Variants in ATRNL1 observed in about 807,000 individuals in gnomAD.
The protein encoded by ATRNL1 is attractin like 1.
A neutral mutation model predicts 182.7 loss-of-function variants in ATRNL1; 95 were observed. The observed-to-expected ratio is 0.52, with a 90% CI of 0.44 to 0.62. The LOEUF is 0.62. Among genes scored for constraint, ATRNL1 ranks in the 20% least tolerant of loss-of-function variants. The probability of loss-of-function intolerance (pLI) is 0.00; values close to 1 mark genes in which losing one functional copy is unlikely to be tolerated. For missense variants in ATRNL1, 1,471 were observed against 1,679.5 expected, an observed-to-expected ratio of 0.88 and a Z score of 2.17; for synonymous variants, 576 against 568.3, an observed-to-expected ratio of 1.01 and a Z score of -0.19.
chr10:115,522,564 A>C (rs1219227596), intron 25 of ATRNL1, among the ~76,000 whole-genome samples: 1 of 152,178 alleles, frequency 6.6e-6, no homozygotes, highest in East Asian at 1.9e-4. Flanking sequence ...TATTAAAACT[A>C]TAGCATTCTA....
chr10:115,433,863 A>C (rs1846277606), intron 21 of ATRNL1, among the ~76,000 whole-genome samples: 1 of 152,196 alleles, frequency 6.6e-6, no homozygotes, highest in South Asian at 2.1e-4. Context: ...AAATAATAAA[A>C]AAGTTTAAGG....
intron 13 of ATRNL1, among the ~76,000 whole-genome samples, chr10:115,272,063 A>T (rs1321524230): frequency 6.6e-6 from 1 of 152,146 alleles, no homozygotes; most frequent in African/African-American, 2.4e-5. Flanking sequence ...GCCATGTGAG[A>T]TGCTTACTGC....
At chr10:115,834,119 G>T (rs1555094646) in intron 27 of ATRNL1, among the ~76,000 whole-genome samples, 2 of 152,162 alleles carry the variant, frequency 1.3e-5, no homozygotes, top group African/African-American at 4.8e-5. Context: ...TCAGGAGCCA[G>T]TTGTCTATCA....
chr10:115,934,713 A>C (rs1953504358), intron 28 of ATRNL1, among the ~76,000 whole-genome samples: 1 of 152,110 alleles, frequency 6.6e-6, no homozygotes, highest in African/African-American at 2.4e-5. Flanking sequence ...GCTACACTAG[A>C]GGTGTCTCTT....
chr10:115,721,383 C>CAT (rs1426064381), intron 26 of ATRNL1, among the ~76,000 whole-genome samples: 2 of 152,004 alleles, frequency 1.3e-5, no homozygotes, highest in Non-Finnish European at 1.5e-5. Context: ...TTGGTATATA[C>CAT]ATATATATAA....
intron 26 of ATRNL1, among the ~76,000 whole-genome samples, chr10:115,584,490 A>G (rs190785750): frequency 0.11 from 13,819 of 129,628 alleles, 1,022 homozygotes; most frequent in Middle Eastern, 0.18. Flanking sequence ...GAGTGTATGT[A>G]TCGAGGAATT....
intron 19 of ATRNL1, among the ~76,000 whole-genome samples, chr10:115,373,529 C>T (rs140092543): frequency 7.9e-5 from 12 of 151,984 alleles, no homozygotes; most frequent in African/African-American, 2.9e-4. Flanking sequence ...TGTTGAAGTA[C>T]ATTCAATACT....
At chr10:115,388,341 G>C (rs1232585164) in intron 19 of ATRNL1, among the ~76,000 whole-genome samples, 3 of 152,100 alleles carry the variant, frequency 2.0e-5, no homozygotes, top group Non-Finnish European at 4.4e-5. Flanking sequence ...ATTCATAACT[G>C]TTATATATTC....
intron 27 of ATRNL1, among the ~76,000 whole-genome samples, chr10:115,750,034 A>G (rs893228210): frequency 6.6e-6 from 1 of 151,870 alleles, no homozygotes; most frequent in Non-Finnish European, 1.5e-5. Flanking sequence ...ACTGTCCACC[A>G]TTTTCATTTA....
intron 19 of ATRNL1, among the ~76,000 whole-genome samples, chr10:115,372,941 C>T (rs1554948477): frequency 6.6e-6 from 1 of 152,010 alleles, no homozygotes; most frequent in African/African-American, 2.4e-5. Flanking sequence ...TGCATTATAC[C>T]AGTAGATCAC....
chr10:115,833,467 A>G (rs1950602244), intron 27 of ATRNL1, among the ~76,000 whole-genome samples: 1 of 152,200 alleles, frequency 6.6e-6, no homozygotes, highest in Non-Finnish European at 1.5e-5. Context: ...TCTATCATAA[A>G]TCAGAAGATA....
At chr10:115,399,212 C>G (rs1844435207) in intron 20 of ATRNL1, among the ~76,000 whole-genome samples, 1 of 152,006 alleles carries the variant, frequency 6.6e-6, no homozygotes. Context: ...ATGAGGCTGG[C>G]CTCATAGATT....
At chr10:115,849,495 T>G (rs1951004533) in intron 28 of ATRNL1, among the ~76,000 whole-genome samples, 1 of 152,180 alleles carries the variant, frequency 6.6e-6, no homozygotes, top group African/African-American at 2.4e-5. Flanking sequence ...CCCTTTAACC[T>G]TTGAAGTCCT....
At chr10:115,236,425 G>A (rs1209536828) in intron 9 of ATRNL1, among the ~76,000 whole-genome samples, 1 of 152,128 alleles carries the variant, frequency 6.6e-6, no homozygotes, top group Non-Finnish European at 1.5e-5. Context: ...TTCTGCCAGT[G>A]AGAAACTTGG....
At chr10:115,251,395 A>C (rs1280071273) in intron 10 of ATRNL1, among the ~76,000 whole-genome samples, 1 of 152,172 alleles carries the variant, frequency 6.6e-6, no homozygotes, top group Non-Finnish European at 1.5e-5. Flanking sequence ...TGTTTATTCC[A>C]ATTCTATATC....
intron 8 of ATRNL1, among the ~76,000 whole-genome samples, chr10:115,178,242 G>T (rs1024223446): frequency 1.1e-4 from 17 of 151,990 alleles, no homozygotes; most frequent in African/African-American, 4.1e-4. Context: ...GAACATCCTA[G>T]AGTACAACTT....
At chr10:115,254,923 T>A (rs1443864108) in intron 10 of ATRNL1, among the ~76,000 whole-genome samples, 2 of 152,230 alleles carry the variant, frequency 1.3e-5, no homozygotes, top group Non-Finnish European at 2.9e-5. Context: ...TTTTGTCAGG[T>A]TTGTCAAAGA....
intron 24 of ATRNL1, among the ~76,000 whole-genome samples, chr10:115,498,189 C>T (rs11197246): frequency 0.39 from 59,215 of 151,650 alleles, 12,548 homozygotes; most frequent in Middle Eastern, 0.49. Context: ...AATATATGTC[C>T]GATATTTATT....
At position 115,928,903 on chromosome 10, in the gene ATRNL1, AT is replaced by A. The variant is rs1432143179; in HGVS notation, c.4019-15752del. On this transcript the variant is annotated intron_variant, in intron 28 of 28. Transcript: ENST00000355044. ...ATGATTTTAGAAACATGTCCTTTAA[AT>A]TTGATTCTCTCATACTTTTAAGATT... 4.6e-5 allele frequency among the ~76,000 whole-genome samples: 7 copies of A among 152,090 alleles called. No individual in the cohort carries two copies. The East Asian group carries it at 1.4e-3, about 29-fold the overall frequency.
Sources: gnomAD v4.1 joint callset for allele counts (sites outside exome capture counted in the v4.1 genomes callset) on GRCh38, gnomAD v4.1.1 for gene constraint, MANE v1.5 for transcripts, NCBI Gene and HGNC (gene_info 2026-07-23, HGNC 2026-07-21) for gene names.